The following FSTL5 variants were observed in gnomAD, a reference collection of about 807,000 sequenced individuals.
FSTL5 encodes follistatin-related protein 5.
A neutral mutation model predicts 89.1 loss-of-function variants in FSTL5; 62 were observed. The ratio of observed to expected loss-of-function variants is 0.70; its 90% CI spans 0.57 to 0.86. FSTL5 has a LOEUF of 0.86. Ranked by LOEUF, FSTL5 falls within the 40% of genes least tolerant of loss-of-function variation. The pLI, the probability that FSTL5 is intolerant of heterozygous loss-of-function variation, is 0.00. For missense variants in FSTL5, 1,057 were observed against 1,001.6 expected (o/e 1.06, Z -0.75); for synonymous variants, 383 against 346.2 (o/e 1.11, Z -1.18).
chr4:162,122,387 T>A (rs1370854124), intron 1 of FSTL5, among the ~76,000 whole-genome samples: 1 of 152,240 alleles, frequency 6.6e-6, no homozygotes, highest in Non-Finnish European at 1.5e-5. Flanking sequence ...AGGTCACTAC[T>A]GTACTTGATC....
chr4:161,664,934 A>G (rs1736834819), intron 6 of FSTL5: 1 of 186,074 alleles, frequency 5.4e-6, no homozygotes. Flanking sequence ...CAAACCCGTC[A>G]GATCTCATGA....
chr4:161,508,671 T>C (rs952893464), intron 11 of FSTL5, among the ~76,000 whole-genome samples: 3 of 152,164 alleles, frequency 2.0e-5, no homozygotes, highest in African/African-American at 7.2e-5. Flanking sequence ...GGAGTATTGT[T>C]ATTATTATGT....
intron 3 of FSTL5, among the ~76,000 whole-genome samples, chr4:161,949,306 A>G (rs1734824336): frequency 6.6e-6 from 1 of 152,058 alleles, no homozygotes; most frequent in Admixed American, 6.6e-5. Context: ...ACTCAATCAC[A>G]TCTGCAAAGT....
intron 5 of FSTL5, among the ~76,000 whole-genome samples, chr4:161,759,839 C>A (rs1315253134): frequency 1.3e-5 from 2 of 151,812 alleles, no homozygotes; most frequent in Non-Finnish European, 2.9e-5. Flanking sequence ...ATTTTCTTTG[C>A]TCCATTTATA....
intron 1 of FSTL5, among the ~76,000 whole-genome samples, chr4:162,129,924 C>T (rs1350835638): frequency 6.6e-6 from 1 of 152,120 alleles, no homozygotes; most frequent in Non-Finnish European, 1.5e-5. Flanking sequence ...TTTAAATGTG[C>T]TCTTTTTAAA....
intron 7 of FSTL5, among the ~76,000 whole-genome samples, chr4:161,630,740 C>T (rs1735475205): frequency 6.6e-6 from 1 of 152,142 alleles, no homozygotes; most frequent in African/African-American, 2.4e-5. Flanking sequence ...ATTACGATTC[C>T]AACAGAAAAC....
chr4:162,026,863 C>T (rs532886014), intron 3 of FSTL5, among the ~76,000 whole-genome samples: 23 of 152,086 alleles, frequency 1.5e-4, no homozygotes, highest in Non-Finnish European at 2.4e-4. Context: ...CCCCCAACAT[C>T]GCTAATGTGT....
At chr4:162,062,802 T>A (rs1738765824) in intron 2 of FSTL5, among the ~76,000 whole-genome samples, 1 of 151,498 alleles carries the variant, frequency 6.6e-6, no homozygotes, top group Non-Finnish European at 1.5e-5. Context: ...TTATATTTTA[T>A]TAAAAAAACC....
Position 161,932,053 on chromosome 4 carries a change from G to A in FSTL5, c.161-11401C>T, listed in dbSNP as rs185953878. ...AGAGTAACGGTTCTAATTGTCAGGT[G>A]TAGTGGCAGTATTTGAATAGATAAA... On this transcript the variant is annotated intron_variant, in intron 3 of 15. Transcript: ENST00000306100. 1.4e-3 allele frequency among the ~76,000 whole-genome samples: 214 copies of A among 152,040 alleles called. 1 individual carries two copies. The highest frequency in any genetic ancestry group is 4.2e-3 in the African/African-American group (173 of 41,518).
intron 6 of FSTL5, among the ~76,000 whole-genome samples, chr4:161,697,094 C>A (rs1191553798): frequency 6.6e-6 from 1 of 152,216 alleles, no homozygotes; most frequent in Non-Finnish European, 1.5e-5. Context: ...CCTGTCAACA[C>A]ACAACTCAGA....
intron 3 of FSTL5, among the ~76,000 whole-genome samples, chr4:162,029,353 A>G (rs530472383): frequency 1.3e-5 from 2 of 152,178 alleles, no homozygotes; most frequent in Non-Finnish European, 2.9e-5. Flanking sequence ...CTTTTCATGT[A>G]CATCAATATA....
rs1561000561 is a variant in FSTL5 at position 162,066,356 on chromosome 4, C to CTTCTTCTTCTTCTTG, written c.127-32699_127-32698insCAAGAAGAAGAAGAA. On this transcript the variant is annotated intron_variant, in intron 2 of 15. Coordinates refer to ENST00000306100, the MANE Select transcript of FSTL5 (RefSeq NM_020116.5). ...TCTTCTTCTTCTTCTTCTTCTTCTC[C>CTTCTTCTTCTTCTTG]TTCTTCTTCTTCTTCTCCTTCTTCT... Among the ~76,000 whole-genome samples, 197 of 100,846 alleles carry CTTCTTCTTCTTCTTG rather than the reference C, an allele frequency of 2.0e-3. 2 individuals are homozygous for CTTCTTCTTCTTCTTG. Among genetic ancestry groups the CTTCTTCTTCTTCTTG allele is most frequent in the African/African-American group, 7.1e-3 (191 of 26,940 alleles). 66.2% of individuals were successfully genotyped at this position (100,846 alleles called of 152,430 possible). A position where few individuals can be genotyped will look rare whatever the true frequency, so the allele number is the denominator to read the frequency against.
intron 15 of FSTL5, among the ~76,000 whole-genome samples, chr4:161,392,140 T>C (rs1444166295): frequency 2.0e-5 from 3 of 152,192 alleles, no homozygotes; most frequent in Non-Finnish European, 2.9e-5. Flanking sequence ...AAGTGTCCAG[T>C]TGCTTAACAG....
chr4:161,483,114 G>A (rs1729575940), intron 12 of FSTL5, among the ~76,000 whole-genome samples: 1 of 152,126 alleles, frequency 6.6e-6, no homozygotes, highest in Admixed American at 6.5e-5. Context: ...TTCACTACAT[G>A]CTTAGAATGC....
intron 3 of FSTL5, among the ~76,000 whole-genome samples, chr4:161,969,947 G>T (rs1048614034): frequency 2.6e-5 from 4 of 152,078 alleles, no homozygotes; most frequent in Admixed American, 6.6e-5. Context: ...CTGTGTGTGG[G>T]ATTCGATGCA....
chr4:162,029,652 C>A (rs1485331480), intron 3 of FSTL5, among the ~76,000 whole-genome samples: 1 of 151,912 alleles, frequency 6.6e-6, no homozygotes, highest in Admixed American at 6.6e-5. Context: ...TTATCATCAT[C>A]GATTTTTTTT....
intron 4 of FSTL5, among the ~76,000 whole-genome samples, chr4:161,787,635 T>C (rs773982776): frequency 2.0e-5 from 3 of 152,170 alleles, no homozygotes; most frequent in Non-Finnish European, 4.4e-5. Flanking sequence ...GTTGCTCTTC[T>C]CTGAAATAAA....
chr4:161,762,598 CTT>C (rs368192038), intron 5 of FSTL5, among the ~76,000 whole-genome samples: 45 of 152,190 alleles, frequency 3.0e-4, no homozygotes, highest in African/African-American at 1.1e-3. Context: ...CATTTTACCT[CTT>C]ATAAAATGAT....
intron 4 of FSTL5, among the ~76,000 whole-genome samples, chr4:161,883,183 A>G (rs1056863134): frequency 7.2e-5 from 11 of 152,210 alleles, no homozygotes; most frequent in African/African-American, 2.4e-4. Flanking sequence ...CTAAAACAGC[A>G]TAAGTGTACA....
Sources: allele counts gnomAD v4.1 joint callset (sites outside exome capture counted in the v4.1 genomes callset), GRCh38; gene constraint gnomAD v4.1.1; transcripts MANE v1.5; gene names NCBI Gene and HGNC (gene_info 2026-07-23, HGNC 2026-07-21).